Variants in FKBP15 observed in about 807,000 individuals in gnomAD.
The protein encoded by FKBP15 is FKBP prolyl isomerase family member 15.
A neutral mutation model predicts 158.1 loss-of-function variants in FKBP15; 106 were observed. That is an observed-to-expected ratio of 0.67 (90% CI 0.57 to 0.79). FKBP15 has a LOEUF of 0.79. Ranked by LOEUF, FKBP15 falls within the 30% of genes least tolerant of loss-of-function variation. The probability of loss-of-function intolerance (pLI) is 0.00; values close to 1 mark genes in which losing one functional copy is unlikely to be tolerated. For missense variants in FKBP15, 1,287 were observed against 1,479.1 expected (o/e 0.87, Z 2.13); for synonymous variants, 547 against 548.6 (o/e 1.00, Z 0.04).
intron 1 of FKBP15, among the ~76,000 whole-genome samples, chr9:113,212,990 T>C (rs1000097616): frequency 1.3e-4 from 20 of 152,232 alleles, no homozygotes; most frequent in African/African-American, 3.9e-4. Flanking sequence ...TTCTTCCTTT[T>C]GTGCTCCAAG....
chr9:113,186,464 G>A, intron 14 of FKBP15, 101 bp from the exon 15 acceptor site: 1 of 841,628 alleles, frequency 1.2e-6, no homozygotes, highest in Non-Finnish European at 1.9e-6. Flanking sequence ...GCTGGGAGGA[G>A]ACTCAAACTT....
Position 113,161,417 on chromosome 9 carries a change from T to G in FKBP15, c.*4661A>C. ...TGGGGAAGAAGGTGCAGGATAGAGG[T>G]GGATGGAGTGGATTCCATGAACAGG... On this transcript the variant is annotated 3_prime_UTR_variant, in exon 28 of 28. Transcript: ENST00000238256. 8.8e-7 allele frequency: 1 copy of G among 1,136,402 alleles called. No individual in the cohort carries two copies. The highest frequency in any genetic ancestry group is 1.3e-5 in the South Asian group (1 of 77,530). The allele number at this position is 1,136,402 out of a possible 1,614,324, so 70.4% of individuals were successfully genotyped here.
chr9:113,210,277 T>G (rs2118947597), intron 2 of FKBP15, among the ~76,000 whole-genome samples: 1 of 151,222 alleles, frequency 6.6e-6, no homozygotes, highest in South Asian at 2.1e-4. Context: ...TTTGGAAGGC[T>G]GCTAACCCTT....
intron 19 of FKBP15, among the ~76,000 whole-genome samples, chr9:113,181,440 G>GC (rs1205705738): frequency 2.6e-5 from 4 of 152,062 alleles, no homozygotes; most frequent in Admixed American, 6.6e-5. Flanking sequence ...TAAAAATGTT[G>GC]CCCCTCCAGA....
chr9:113,166,545 G>A (rs917224142), intron 27 of FKBP15, among the ~76,000 whole-genome samples: 2 of 152,240 alleles, frequency 1.3e-5, no homozygotes, highest in Admixed American at 1.3e-4. Flanking sequence ...AGAGCGAGAG[G>A]AAGTGGGAAG....
At position 113,178,809 on chromosome 9, in the gene FKBP15, A is replaced by ATAACAAAGTATGATGTCACTT; in HGVS notation, c.1915-29_1915-9dup. The ATAACAAAGTATGATGTCACTT allele has an allele frequency of 6.3e-7, 1 of 1,596,558 alleles. No individual in the cohort carries two copies. The highest frequency in any genetic ancestry group is 1.1e-5 in the South Asian group (1 of 88,106). ...CTCCTCTGTCACCTTGGCCTGAATAATAACAAAGTATGATGTCACTTTAAA... is the reference window on the plus strand; with the variant it reads ...CTCCTCTGTCACCTTGGCCTGAATAATAACAAAGTATGATGTCACTTTAACAAAGTATGATGTCACTTTAAA... On this transcript the variant is annotated splice_polypyrimidine_tract_variant and intron_variant, in intron 19 of 27. Transcript: ENST00000238256.
chr9:113,186,402 T>C, intron 14 of FKBP15, 39 bp from the exon 15 acceptor site: 4 of 1,367,040 alleles, frequency 2.9e-6, no homozygotes, highest in Non-Finnish European at 4.1e-6. Context: ...GATAAAACAT[T>C]CATGTCTTTC....
chr9:113,170,155 GCT>G (rs1298395668), intron 25 of FKBP15, among the ~76,000 whole-genome samples: 3 of 151,824 alleles, frequency 2.0e-5, no homozygotes, highest in Non-Finnish European at 2.9e-5. Context: ...ACAGGGTCTT[GCT>G]CTGTTATCCA....
chr9:113,206,712 A>AC, intron 3 of FKBP15, 134 bp from the exon 4 acceptor site: 2 of 288,906 alleles, frequency 6.9e-6, no homozygotes, highest in Admixed American at 7.1e-5. Context: ...GCGGTTTAAA[A>AC]TTTTTTTTTT....
intron 8 of FKBP15, 73 bp from the exon 9 acceptor site, chr9:113,197,151 C>A: frequency 6.4e-7 from 1 of 1,562,230 alleles, no homozygotes; most frequent in Non-Finnish European, 8.7e-7. Context: ...ACAGGAGCAA[C>A]AGGTTTCACT....
chr9:113,161,432 C>A lies in FKBP15; in HGVS notation c.*4646G>T. 7.5e-7 allele frequency: 1 copy of A among 1,331,390 alleles called. No individual in the cohort carries two copies. The highest frequency in any genetic ancestry group is 1.1e-6 in the Non-Finnish European group (1 of 935,022). The allele number at this position is 1,331,390 out of a possible 1,614,324, so 82.5% of individuals were successfully genotyped here. The stretch of plus-strand genomic sequence containing the variant: ...AGGATAGAGGTGGATGGAGTGGATT[C>A]CATGAACAGGTGGAGGTGCTGGAAG... On this transcript the variant is annotated 3_prime_UTR_variant, in exon 28 of 28. Transcript: ENST00000238256.
In FKBP15 at chr9:113,168,472, A is replaced by ATCC; in HGVS notation, c.3567_3569dup (p.Glu1189dup). On this transcript the variant is annotated inframe_insertion, in exon 27 of 28. Transcript: ENST00000238256. The stretch of plus-strand genomic sequence containing the variant: ...GGGATTTCCTTACCACCTCGTCTTC[A>ATCC]TCCTCCTCCTCAGGCTGTGCTTTGG... 6.2e-7 allele frequency: 1 copy of ATCC among 1,613,922 alleles called. No individual in the cohort carries two copies. The highest frequency in any genetic ancestry group is 1.1e-5 in the South Asian group (1 of 91,084).
chr9:113,187,817 T>A lies in FKBP15; in HGVS notation c.1359A>T (p.Val453=). ...QVSSLDSHSA[V]SGNAQSFQPY... ...CCTGAAAGGATTGGGCATTTCCAGA[T>A]ACAGCTGAGTGGGAATCGAGAGATG... The change falls in exon 14 of 28, where the codon GTA becomes GTT. Residue 453 remains valine, a synonymous_variant. Transcript: ENST00000238256. 1.9e-6 allele frequency: 3 copies of A among 1,613,914 alleles called. No homozygotes were observed. Among genetic ancestry groups the A allele is most frequent in the Non-Finnish European group, 2.5e-6 (3 of 1,179,810 alleles).
chr9:113,191,476 T>C (rs1361512811), intron 11 of FKBP15, among the ~76,000 whole-genome samples: 1 of 151,852 alleles, frequency 6.6e-6, no homozygotes, highest in Non-Finnish European at 1.5e-5. Context: ...ACTGGGAGTG[T>C]GTGCTTATTT....
At chr9:113,215,624 G>A (rs201111059) in intron 1 of FKBP15, among the ~76,000 whole-genome samples, 4,199 of 93,814 alleles carry the variant, frequency 0.045, 167 homozygotes, top group African/African-American at 0.11. Context: ...GTGTGTGTGT[G>A]TATATATATA....
intron 1 of FKBP15, among the ~76,000 whole-genome samples, chr9:113,219,160 A>G (rs1831201663): frequency 6.6e-6 from 1 of 152,144 alleles, no homozygotes; most frequent in African/African-American, 2.4e-5. Context: ...ACAAACAAAA[A>G]CAAGGCTCCT....
intron 2 of FKBP15, 52 bp from the exon 3 acceptor site, chr9:113,207,348 A>ATTTTTTTTTT: frequency 7.2e-7 from 1 of 1,393,620 alleles, no homozygotes; most frequent in Non-Finnish European, 1.0e-6. Context: ...CTTTAAACTA[A>ATTTTTTTTTT]TTTTTTTTAA....
intron 2 of FKBP15, among the ~76,000 whole-genome samples, chr9:113,208,330 C>G (rs1411264705): frequency 6.6e-6 from 1 of 151,876 alleles, no homozygotes; most frequent in Non-Finnish European, 1.5e-5. Flanking sequence ...GAATGAGACT[C>G]CGTCTCAAAA....
At chr9:113,197,115 A>C in intron 8 of FKBP15, 37 bp from the exon 9 acceptor site, 1 of 1,603,008 alleles carries the variant, frequency 6.2e-7, no homozygotes, top group South Asian at 1.1e-5. Flanking sequence ...ATCAAACAAG[A>C]AGCTCCTCAG....
Sources: gnomAD v4.1 joint callset for allele counts (sites outside exome capture counted in the v4.1 genomes callset) on GRCh38, gnomAD v4.1.1 for gene constraint, MANE v1.5 for transcripts, NCBI Gene and HGNC (gene_info 2026-07-23, HGNC 2026-07-21) for gene names.